CBLC: variants seen among roughly 807,000 people sequenced by gnomAD.
CBLC encodes E3 ubiquitin-protein ligase CBL-C.
In CBLC, 46 loss-of-function variants were observed where a neutral mutation model predicts 58.6. That is an observed-to-expected ratio of 0.79 (90% confidence interval 0.62 to 1.00). CBLC has a LOEUF of 1.00. Among genes scored for constraint, CBLC ranks in the 50% least tolerant of loss-of-function variants. The pLI, the probability that CBLC is intolerant of heterozygous loss-of-function variation, is 0.00. For missense variants in CBLC, 655 were observed against 625.8 expected (o/e 1.05, Z -0.50); for synonymous variants, 271 against 264.2 (o/e 1.03, Z -0.25).
intron 6 of CBLC, among the ~76,000 whole-genome samples, chr19:44,791,401 G>A (rs1357583164): frequency 6.6e-6 from 1 of 152,036 alleles, no homozygotes; most frequent in East Asian, 1.9e-4. Context: ...TGGCACCACT[G>A]GGTGTAGACA....
chr19:44,778,841 T>C (rs1393444270), intron 1 of CBLC, among the ~76,000 whole-genome samples: 2 of 39,248 alleles, frequency 5.1e-5, no homozygotes, highest in Admixed American at 3.7e-4. Context: ...ACCCAGAAAC[T>C]CAGGCCCCCA....
intron 5 of CBLC, among the ~76,000 whole-genome samples, chr19:44,788,262 C>G (rs2965119): frequency 0.082 from 12,503 of 151,668 alleles, 1,050 homozygotes; most frequent in African/African-American, 0.22. Context: ...TGAGACCACA[C>G]GCACATGCCA....
chr19:44,788,203 G>A (rs1328183850), intron 5 of CBLC, among the ~76,000 whole-genome samples: 1 of 151,680 alleles, frequency 6.6e-6, no homozygotes, highest in Non-Finnish European at 1.5e-5. Flanking sequence ...CTGCAGCCTC[G>A]ACCTCCCAGG....
chr19:44,782,259 G>C (rs1187860055), intron 3 of CBLC, 111 bp from the exon 4 acceptor site: 1 of 1,476,320 alleles, frequency 6.8e-7, no homozygotes, highest in African/African-American at 1.4e-5. Context: ...ATATGCCTGA[G>C]GCCCACCATG....
rs1250658160 is a variant in CBLC, at chr19:44,780,425, T to G, written c.354-480T>G. Among the ~76,000 whole-genome samples the G allele has an allele frequency of 2.8e-5, 4 of 142,506 alleles. No individual in the cohort carries two copies. The East Asian group carries it at 6.4e-4, about 23-fold the overall frequency. The allele number at this position is 142,506 out of a possible 152,430, so 93.5% of individuals were successfully genotyped here. On this transcript the variant is annotated intron_variant, in intron 1 of 10. Coordinates refer to ENST00000647358, the MANE Select transcript of CBLC (RefSeq NM_012116.4). Reference sequence around the variant, plus strand: ...TGCTGGGATTACAGGCATGAGCCACTGCTTCTGGCCAAAATCTAATAAAAG... The same window carrying G: ...TGCTGGGATTACAGGCATGAGCCACGGCTTCTGGCCAAAATCTAATAAAAG...
intron 3 of CBLC, among the ~76,000 whole-genome samples, 178 bp downstream of exon 3, chr19:44,781,541 C>T (rs1463540718): frequency 7.2e-6 from 1 of 138,034 alleles, no homozygotes; most frequent in Non-Finnish European, 1.6e-5. Flanking sequence ...GACCTGGACT[C>T]CTGGGTCTGA....
intron 9 of CBLC, among the ~76,000 whole-genome samples, chr19:44,798,603 T>C (rs1968225368): frequency 6.6e-6 from 1 of 152,086 alleles, no homozygotes; most frequent in Non-Finnish European, 1.5e-5. Flanking sequence ...TAATCCCAGC[T>C]ACTCGGGAGG....
intron 5 of CBLC, among the ~76,000 whole-genome samples, chr19:44,786,827 G>A (rs369765779): frequency 8.5e-5 from 13 of 152,074 alleles, no homozygotes; most frequent in African/African-American, 2.7e-4. Flanking sequence ...ATCAGAGGCC[G>A]GGCATGGTGG....
chr19:44,789,116 A>C (rs999854370), intron 5 of CBLC, among the ~76,000 whole-genome samples: 12 of 152,274 alleles, frequency 7.9e-5, no homozygotes, highest in African/African-American at 2.9e-4. Context: ...CAGGGAGCCC[A>C]GAGCTTGCTT....
chr19:44,781,723 C>T (rs1599858778), intron 3 of CBLC, among the ~76,000 whole-genome samples: 5 of 107,254 alleles, frequency 4.7e-5, no homozygotes, highest in South Asian at 3.7e-4. Context: ...GGGGCCTGGA[C>T]TCCTGGGTCT....
Position 44,784,247 on chromosome 19 carries a change from C to T in CBLC, c.780-17C>T, listed in dbSNP as rs1452860021. ...GTGACCACTCCCTCACCCCATCCTACCTACCTCTCCCTCCAGTTACATCTT... is the reference window on the plus strand; with the variant it reads ...GTGACCACTCCCTCACCCCATCCTATCTACCTCTCCCTCCAGTTACATCTT... On this transcript the variant is annotated splice_polypyrimidine_tract_variant and intron_variant, in intron 4 of 10. Transcript: ENST00000647358. 6.4e-7 allele frequency: 1 copy of T among 1,560,792 alleles called. No homozygotes were observed. The highest frequency in any genetic ancestry group is 8.8e-7 in the Non-Finnish European group (1 of 1,139,494).
chr19:44,780,223 C>T lies in CBLC; in HGVS notation c.354-682C>T, dbSNP rs148702017. Among the ~76,000 whole-genome samples, 658 of 151,956 alleles carry T rather than the reference C, an allele frequency of 4.3e-3. 7 individuals carry two copies. The highest frequency in any genetic ancestry group is 0.015 in the African/African-American group (632 of 41,444). On this transcript the variant is annotated intron_variant, in intron 1 of 10. Coordinates refer to ENST00000647358, the MANE Select transcript of CBLC (RefSeq NM_012116.4). The stretch of plus-strand genomic sequence containing the variant: ...AATTTTGACTCACTGCAGCCTCTGC[C>T]TCCCATGTTCAAGCAATTCTCCTGC...
chr19:44,777,918 C>A lies in CBLC; in HGVS notation c.-14C>A. 1 of 1,548,036 alleles carries A rather than the reference C, an allele frequency of 6.5e-7. No individual in the cohort carries two copies. On this transcript the variant is annotated 5_prime_UTR_variant, in exon 1 of 11. Coordinates refer to ENST00000647358, the MANE Select transcript of CBLC (RefSeq NM_012116.4). Reference sequence around the variant, plus strand: ...CCAGCCGCACCGGTCCTTCCCGGCACACGCGAGGCTCCCATGGCTCTGGCG... The same window carrying A: ...CCAGCCGCACCGGTCCTTCCCGGCAAACGCGAGGCTCCCATGGCTCTGGCG...
intron 8 of CBLC, 111 bp from the exon 9 acceptor site, chr19:44,794,093 T>C (rs1968126249): frequency 2.7e-6 from 4 of 1,495,000 alleles, no homozygotes; most frequent in Non-Finnish European, 3.6e-6. Context: ...GTCTCTGTTA[T>C]ATCTTGAGTC....
At chr19:44,794,051 G>A in intron 8 of CBLC, 153 bp from the exon 9 acceptor site, 1 of 892,370 alleles carries the variant, frequency 1.1e-6, no homozygotes, top group Non-Finnish European at 1.3e-6. Flanking sequence ...TTCCCTGGCT[G>A]TAACCCTCCT....
At chr19:44,795,847 C>T (rs1470733999) in intron 9 of CBLC, among the ~76,000 whole-genome samples, 1 of 152,148 alleles carries the variant, frequency 6.6e-6, no homozygotes, top group African/African-American at 2.4e-5. Context: ...ACATACACGT[C>T]ATAGGTGCTC....
At chr19:44,787,974 T>A (rs542979832) in intron 5 of CBLC, among the ~76,000 whole-genome samples, 21 of 150,996 alleles carry the variant, frequency 1.4e-4, no homozygotes, top group African/African-American at 4.9e-4. Context: ...AAAAAAAAAA[T>A]TAGTTACCGA....
intron 5 of CBLC, among the ~76,000 whole-genome samples, chr19:44,786,008 T>TA (rs1967895509): frequency 2.0e-5 from 3 of 152,068 alleles, no homozygotes; most frequent in Admixed American, 1.3e-4. Context: ...CCATGTTGCC[T>TA]AGGCTGGTCT....
At position 44,782,395 on chromosome 19, in the gene CBLC, G is replaced by C. The variant is rs767829298; in HGVS notation, c.683G>C (p.Trp228Ser). The change falls in exon 4 of 11, where the codon TGG becomes TCG. Residue 228 changes from tryptophan to serine, a missense_variant. This residue lies in a region of CBLC where 371 missense variants were observed against 370.8 expected (regional missense o/e 1.00). Transcript: ENST00000647358. ...CCATGGCCAACACTCCTCAAGAACT[G>C]GCAGCTCCTGGCAGTCAACCACCCA... ...FQPWPTLLKN[W>S]QLLAVNHPGY... is the part of the protein sequence containing the mutation. 1 of 1,613,754 alleles carries C rather than the reference G, an allele frequency of 6.2e-7. No homozygotes were observed. Among genetic ancestry groups the C allele is most frequent in the South Asian group, 1.1e-5 (1 of 91,074 alleles).
Sources: allele counts gnomAD v4.1 joint callset (sites outside exome capture counted in the v4.1 genomes callset), GRCh38; gene constraint gnomAD v4.1.1; regional missense constraint gnomAD v4.1.1; transcripts MANE v1.5; gene names NCBI Gene and HGNC (gene_info 2026-07-23, HGNC 2026-07-21).